Variants in TUSC3 observed in about 807,000 individuals in gnomAD.
The protein encoded by TUSC3 is tumor suppressor candidate 3.
TUSC3 carries 45 observed loss-of-function variants against 44.8 expected under a neutral mutation model. That is an observed-to-expected ratio of 1.00 (90% CI 0.79 to 1.29). TUSC3 has a LOEUF of 1.29. TUSC3 is among the 50% of genes most tolerant of loss of function. TUSC3 has a pLI of 0.00. For synonymous variants in TUSC3, 212 were observed against 152.9 expected (o/e 1.39, Z -2.85); for missense variants, 519 against 437.9 (o/e 1.19, Z -1.65).
chr8:15,818,410 A>G, the TUSC3 span, among the ~76,000 whole-genome samples: 2 of 152,142 alleles, frequency 1.3e-5, no homozygotes, highest in Non-Finnish European at 2.9e-5. Context: ...CTCTTTTAAG[A>G]CGCCTTCAAA....
chr8:15,593,141 A>G (rs1803923601), intron 1 of TUSC3, among the ~76,000 whole-genome samples: 1 of 152,106 alleles, frequency 6.6e-6, no homozygotes, highest in South Asian at 2.1e-4. Context: ...GGTGGAGTGC[A>G]GTGGTGTGAT....
the TUSC3 span, among the ~76,000 whole-genome samples, chr8:15,778,354 G>C: frequency 1.5e-4 from 23 of 152,120 alleles, no homozygotes; most frequent in African/African-American, 5.1e-4. Flanking sequence ...GGGAAAAACA[G>C]ACAAGGAGAC....
At chr8:15,730,858 C>A in intron 7 of TUSC3, 129 bp downstream of exon 7, 1 of 800,886 alleles carries the variant, frequency 1.2e-6, no homozygotes, top group Admixed American at 2.6e-5. Context: ...TACTATATGA[C>A]TAATTTTTAT....
intron 1 of TUSC3, among the ~76,000 whole-genome samples, chr8:15,444,283 CTATT>C (rs1464263857): frequency 1.3e-5 from 2 of 152,172 alleles, no homozygotes; most frequent in African/African-American, 2.4e-5. Flanking sequence ...GAAGCAGACT[CTATT>C]CAAGGAGACG....
intron 2 of TUSC3, among the ~76,000 whole-genome samples, chr8:15,516,633 G>A (rs1174958509): frequency 6.6e-6 from 1 of 152,096 alleles, no homozygotes; most frequent in Non-Finnish European, 1.5e-5. Context: ...TACTTGAAGT[G>A]TTCTCTCTCA....
At chr8:15,629,884 A>C in intron 2 of TUSC3, among the ~76,000 whole-genome samples, 2 of 152,120 alleles carry the variant, frequency 1.3e-5, no homozygotes, top group East Asian at 1.9e-4. Flanking sequence ...TCACACAGTC[A>C]GTTTATTCAC....
intron 2 of TUSC3, among the ~76,000 whole-genome samples, chr8:15,493,529 C>T (rs893916661): frequency 7.9e-5 from 12 of 152,160 alleles, no homozygotes; most frequent in Non-Finnish European, 1.8e-4. Flanking sequence ...TCCCAAAGTG[C>T]TGGGATTACA....
chr8:15,527,038 A>T (rs552534703), intron 2 of TUSC3, among the ~76,000 whole-genome samples: 14 of 152,228 alleles, frequency 9.2e-5, no homozygotes, highest in African/African-American at 3.1e-4. Flanking sequence ...AAAAGTTTGA[A>T]TAATTGATTA....
intron 5 of TUSC3, among the ~76,000 whole-genome samples, chr8:15,673,053 C>T (rs1563165531): frequency 6.6e-6 from 1 of 152,060 alleles, no homozygotes; most frequent in African/African-American, 2.4e-5. Flanking sequence ...AACATGCTGA[C>T]ACCTCAGTTA....
At chr8:15,532,796 G>A (rs926666796) in intron 2 of TUSC3, among the ~76,000 whole-genome samples, 2 of 152,144 alleles carry the variant, frequency 1.3e-5, no homozygotes, top group Non-Finnish European at 2.9e-5. Flanking sequence ...AGTCTTATGA[G>A]ATCTGATGGT....
intron 2 of TUSC3, among the ~76,000 whole-genome samples, chr8:15,507,103 C>T (rs564678494): frequency 2.0e-5 from 3 of 152,236 alleles, no homozygotes; most frequent in Non-Finnish European, 2.9e-5. Flanking sequence ...ATTAACTTGC[C>T]TTCTGTAAGT....
intron 2 of TUSC3, among the ~76,000 whole-genome samples, chr8:15,485,858 T>C (rs946966288): frequency 2.0e-5 from 3 of 152,204 alleles, no homozygotes; most frequent in African/African-American, 7.2e-5. Flanking sequence ...AATGGTGCGA[T>C]GTCACCTCAC....
intron 10 of TUSC3, 30 bp from the exon 11 acceptor site, chr8:15,764,170 GTTC>G (rs1383777711): frequency 1.3e-6 from 2 of 1,571,826 alleles, no homozygotes; most frequent in African/African-American, 2.7e-5. Flanking sequence ...TATGTTCTAT[GTTC>G]AGCACATAAT....
chr8:15,624,244 T>G (rs547018619), intron 2 of TUSC3, among the ~76,000 whole-genome samples: 2 of 152,342 alleles, frequency 1.3e-5, no homozygotes, highest in Admixed American at 6.5e-5. Context: ...CGGGGTCGTT[T>G]CTAGGTTTTG....
At chr8:15,820,569 C>T in the TUSC3 span, among the ~76,000 whole-genome samples, 11 of 152,136 alleles carry the variant, frequency 7.2e-5, no homozygotes, top group Non-Finnish European at 1.5e-4. Context: ...CGGCCCACCT[C>T]AGCCTCCCAA....
chr8:15,842,195 A>G, the TUSC3 span, among the ~76,000 whole-genome samples: 2 of 152,156 alleles, frequency 1.3e-5, no homozygotes, highest in South Asian at 4.1e-4. Context: ...CACTCCTTGT[A>G]AGAAGCTACA....
chr8:15,527,045 A>G (rs1801382190), intron 2 of TUSC3, among the ~76,000 whole-genome samples: 1 of 152,236 alleles, frequency 6.6e-6, no homozygotes, highest in Non-Finnish European at 1.5e-5. Context: ...TGAATAATTG[A>G]TTAATCAGAA....
At chr8:15,473,591 A>T (rs1253196800) in intron 1 of TUSC3, among the ~76,000 whole-genome samples, 1 of 152,170 alleles carries the variant, frequency 6.6e-6, no homozygotes, top group Non-Finnish European at 1.5e-5. Flanking sequence ...GAGTACAAAG[A>T]GAGGAATTTT....
intron 9 of TUSC3, among the ~76,000 whole-genome samples, chr8:15,757,047 T>A (rs1811955410): frequency 6.6e-6 from 1 of 152,010 alleles, no homozygotes; most frequent in African/African-American, 2.4e-5. Context: ...GAGGTGGAAA[T>A]ATCACTCGAG....
Sources: allele counts gnomAD v4.1 joint callset (sites outside exome capture counted in the v4.1 genomes callset), GRCh38; gene constraint gnomAD v4.1.1; transcripts MANE v1.5; gene names NCBI Gene and HGNC (gene_info 2026-07-23, HGNC 2026-07-21).